RYR2: variants seen among roughly 807,000 people sequenced by gnomAD.
The protein encoded by RYR2 is ryanodine receptor 2, also known as cardiac muscle ryanodine receptor-calcium release channel.
Under a neutral mutation model 601.1 loss-of-function variants are expected in RYR2, and 227 were observed. The observed-to-expected ratio is 0.38, with a 90% CI of 0.34 to 0.42. RYR2 has a LOEUF of 0.42. RYR2 is among the 10% of genes least tolerant of loss of function. The pLI, the probability that RYR2 is intolerant of heterozygous loss-of-function variation, is 1.00. For synonymous variants in RYR2, 2,223 were observed against 2,175.1 expected, an observed-to-expected ratio of 1.02 and a Z score of -0.61; for missense variants, 4,646 against 6,156.5, an observed-to-expected ratio of 0.75 and a Z score of 8.21.
chr1:237,550,503 T>G lies in RYR2; in HGVS notation c.3067-41T>G, dbSNP rs1160563317. On this transcript the variant is annotated intron_variant, in intron 26 of 104. Coordinates refer to ENST00000366574, the MANE Select transcript of RYR2 (RefSeq NM_001035.3). The stretch of plus-strand genomic sequence containing the variant: ...GGTAGCTACTTATTTCTAAAAGCCC[T>G]TGGTATTGCTTTGACGGCTGCACCC... The G allele has an allele frequency of 5.7e-6, 9 of 1,592,480 alleles. No homozygotes were observed. The Admixed American group carries it at 1.6e-4, about 28-fold the overall frequency.
At chr1:237,544,713 T>G (rs1184161367) in intron 25 of RYR2, among the ~76,000 whole-genome samples, 2 of 152,212 alleles carry the variant, frequency 1.3e-5, no homozygotes, top group African/African-American at 4.8e-5. Context: ...CAAACTGTAC[T>G]TATTTACTTT....
At chr1:237,465,727 T>C (rs1199115584) in intron 16 of RYR2, among the ~76,000 whole-genome samples, 2 of 152,214 alleles carry the variant, frequency 1.3e-5, no homozygotes, top group Non-Finnish European at 2.9e-5. Flanking sequence ...CTATACGGGA[T>C]GGCCTACTGC....
intron 100 of RYR2, among the ~76,000 whole-genome samples, chr1:237,818,318 A>G (rs1662064866): frequency 6.6e-6 from 1 of 152,134 alleles, no homozygotes; most frequent in African/African-American, 2.4e-5. Context: ...AATAGCATAC[A>G]GTGCACAGGA....
At chr1:237,332,051 T>C (rs552284321) in intron 3 of RYR2, among the ~76,000 whole-genome samples, 1 of 152,320 alleles carries the variant, frequency 6.6e-6, no homozygotes, top group African/African-American at 2.4e-5. Flanking sequence ...TAAAGTGTAG[T>C]ATTTCCAGAG....
chr1:237,440,187 T>C (rs1243292473), intron 12 of RYR2, among the ~76,000 whole-genome samples: 1 of 152,222 alleles, frequency 6.6e-6, no homozygotes, highest in African/African-American at 2.4e-5. Context: ...TAATACATTA[T>C]GCAAATGACA....
intron 1 of RYR2, among the ~76,000 whole-genome samples, chr1:237,230,180 A>G (rs1684828431): frequency 1.3e-5 from 2 of 152,206 alleles, no homozygotes; most frequent in Non-Finnish European, 1.5e-5. Flanking sequence ...CCAACTAACA[A>G]AAGAAAACCA....
chr1:237,197,086 A>C (rs1257800594), intron 1 of RYR2, among the ~76,000 whole-genome samples: 2 of 152,142 alleles, frequency 1.3e-5, no homozygotes, highest in Non-Finnish European at 2.9e-5. Flanking sequence ...ATATTAAGTA[A>C]AGTGATTTTT....
At chr1:237,691,525 A>G (rs1313183512) in intron 63 of RYR2, among the ~76,000 whole-genome samples, 1 of 152,158 alleles carries the variant, frequency 6.6e-6, no homozygotes, top group Non-Finnish European at 1.5e-5. Flanking sequence ...TTTGGCTTTT[A>G]TATTTTTTGT....
chr1:237,639,246 A>G, intron 46 of RYR2, 45 bp downstream of exon 46: 1 of 1,505,532 alleles, frequency 6.6e-7, no homozygotes, highest in Non-Finnish European at 8.9e-7. Flanking sequence ...ATACTACTTG[A>G]TGTGAAATTT....
intron 12 of RYR2, among the ~76,000 whole-genome samples, chr1:237,432,498 G>A (rs1386451570): frequency 6.6e-6 from 1 of 152,134 alleles, no homozygotes; most frequent in Non-Finnish European, 1.5e-5. Flanking sequence ...TGATTCTCCT[G>A]ACTCAGTCTT....
At position 237,647,916 on chromosome 1, in the gene RYR2, G is replaced by C. The variant is rs16835573; in HGVS notation, c.7343-528G>C. ...AGAGAAAGCAATATGACCCTTAAAT[G>C]CACGTTAAATGCTATTATGATTAAT... On this transcript the variant is annotated intron_variant, in intron 48 of 104. Coordinates refer to ENST00000366574, the MANE Select transcript of RYR2 (RefSeq NM_001035.3). Among the ~76,000 whole-genome samples, 104 of 152,286 alleles carry C rather than the reference G, an allele frequency of 6.8e-4. 1 individual carries two copies. The East Asian group carries it at 0.018, about 26-fold the overall frequency.
chr1:237,709,481 G>A lies in RYR2; in HGVS notation c.10144G>A (p.Ala3382Thr), dbSNP rs375897240. 4.4e-6 allele frequency: 7 copies of A among 1,600,772 alleles called. No individual in the cohort carries two copies. The highest frequency in any genetic ancestry group is 1.3e-5 in the African/African-American group (1 of 74,670). ...CACTTTATTTATTATGTGATCCAGG[G>A]CAAAGTGGCTAAAGGAGCCTAACCC... ...LLIRFVDYNR[A>T]KWLKEPNPEA... The change falls in exon 70 of 105, where the codon GCA becomes ACA. Residue 3382 changes from alanine (A) to threonine (T), a missense_variant and splice_region_variant. Coordinates refer to ENST00000366574, the MANE Select transcript of RYR2 (RefSeq NM_001035.3).
chr1:237,400,586 A>G (rs908104600), intron 10 of RYR2, among the ~76,000 whole-genome samples: 2 of 152,184 alleles, frequency 1.3e-5, no homozygotes, highest in Admixed American at 1.3e-4. Flanking sequence ...TCCTGATGGG[A>G]GGGAGACTCA....
intron 24 of RYR2, among the ~76,000 whole-genome samples, chr1:237,512,638 C>T (rs186719918): frequency 1.1e-4 from 17 of 152,286 alleles, no homozygotes; most frequent in Admixed American, 2.0e-4. Context: ...TTCGGAAGGC[C>T]AAGGCCAGTA....
At chr1:237,127,175 T>C (rs1171378697) in intron 1 of RYR2, among the ~76,000 whole-genome samples, 3 of 152,126 alleles carry the variant, frequency 2.0e-5, no homozygotes, top group Non-Finnish European at 4.4e-5. Context: ...AAGTCTCCCA[T>C]GTCTACTTCT....
chr1:237,461,728 T>TA (rs766799590), intron 16 of RYR2, among the ~76,000 whole-genome samples: 1,556 of 137,314 alleles, frequency 0.011, 2 homozygotes, highest in Non-Finnish European at 0.014. Context: ...TACAGTTGAG[T>TA]AAAAAAAAAA....
intron 17 of RYR2, among the ~76,000 whole-genome samples, chr1:237,484,180 T>G (rs1323840050): frequency 6.6e-6 from 1 of 152,206 alleles, no homozygotes. Flanking sequence ...GTATTATTAC[T>G]CCTACTTGAA....
chr1:237,467,378 G>T (rs1660195313), intron 16 of RYR2, among the ~76,000 whole-genome samples: 1 of 151,952 alleles, frequency 6.6e-6, no homozygotes, highest in Non-Finnish European at 1.5e-5. Context: ...AGTTGCTATT[G>T]TTCTAAATTG....
At chr1:237,748,019 TA>T (rs1164289030) in intron 80 of RYR2, among the ~76,000 whole-genome samples, 1 of 152,112 alleles carries the variant, frequency 6.6e-6, no homozygotes, top group African/African-American at 2.4e-5. Flanking sequence ...TTTTATACAA[TA>T]AAATTATGCA....
Sources: allele counts gnomAD v4.1 joint callset (sites outside exome capture counted in the v4.1 genomes callset), GRCh38; gene constraint gnomAD v4.1.1; transcripts MANE v1.5; gene names NCBI Gene and HGNC (gene_info 2026-07-23, HGNC 2026-07-21).